Variants in WWOX observed in about 807,000 individuals in gnomAD.
WWOX encodes the protein WW domain-containing oxidoreductase.
A neutral mutation model predicts 46.2 loss-of-function variants in WWOX; 69 were observed. That is an observed-to-expected ratio of 1.49 (90% CI 1.23 to 1.82). WWOX has a LOEUF of 1.82. Ranked by LOEUF, WWOX falls within the 40% of genes most tolerant of loss-of-function variation. The pLI is 0.00. For synonymous variants in WWOX, 359 were observed against 202.6 expected, an observed-to-expected ratio of 1.77 and a Z score of -6.56; for missense variants, 919 against 542.6, an observed-to-expected ratio of 1.69 and a Z score of -6.89.
intron 8 of WWOX, among the ~76,000 whole-genome samples, chr16:78,713,693 G>T (rs1329059564): frequency 1.3e-5 from 2 of 152,100 alleles, no homozygotes; most frequent in Non-Finnish European, 2.9e-5. Context: ...CAAGGCAAGG[G>T]GCCTCCGGAG....
intron 8 of WWOX, chr16:79,196,441 G>C (rs969659476): frequency 1.3e-5 from 2 of 150,524 alleles, no homozygotes; most frequent in Non-Finnish European, 3.0e-5. Context: ...TCTGTGTGCT[G>C]GAAGCTCCTG....
intron 5 of WWOX, among the ~76,000 whole-genome samples, chr16:78,306,778 C>G (rs1029070787): frequency 6.6e-6 from 1 of 151,872 alleles, no homozygotes; most frequent in African/African-American, 2.4e-5. Flanking sequence ...AAATCTCACT[C>G]CTTCCCACAA....
Position 78,747,199 on chromosome 16 carries a change from T to G in WWOX, c.1056+314447T>G, listed in dbSNP as rs866244643. Among the ~76,000 whole-genome samples the G allele has an allele frequency of 1.8e-3, 275 of 151,066 alleles. 1 individual carries two copies. Among genetic ancestry groups the G allele is most frequent in the African/African-American group, 6.1e-3 (252 of 41,212 alleles). ...GGGCACTTTCTTGCCCATTTTTTTTTTTTTTTTTTGAGATGGAGTCTCGCT... is the reference window on the plus strand; with the variant it reads ...GGGCACTTTCTTGCCCATTTTTTTTGTTTTTTTTTGAGATGGAGTCTCGCT... On this transcript the variant is annotated intron_variant, in intron 8 of 8. Coordinates refer to ENST00000566780, the MANE Select transcript of WWOX (RefSeq NM_016373.4).
intron 4 of WWOX, among the ~76,000 whole-genome samples, chr16:78,153,544 T>C (rs2034492051): frequency 6.6e-6 from 1 of 152,090 alleles, no homozygotes; most frequent in Non-Finnish European, 1.5e-5. Context: ...GGATGTGTGC[T>C]GGAAGATTCT....
At chr16:79,184,185 C>A (rs1312026063) in intron 8 of WWOX, among the ~76,000 whole-genome samples, 1 of 152,162 alleles carries the variant, frequency 6.6e-6, no homozygotes, top group South Asian at 2.1e-4. Context: ...GTTGAATTGA[C>A]TAATTCAAAT....
At chr16:78,986,548 A>T (rs1484964200) in intron 8 of WWOX, among the ~76,000 whole-genome samples, 1 of 152,230 alleles carries the variant, frequency 6.6e-6, no homozygotes. Context: ...GTGAGGATAA[A>T]TAAGAACAAG....
chr16:79,149,257 C>T (rs142800848), intron 8 of WWOX, among the ~76,000 whole-genome samples: 117 of 152,204 alleles, frequency 7.7e-4, no homozygotes, highest in African/African-American at 2.7e-3. Context: ...TGGGTGTGTA[C>T]TTTTTATCAA....
chr16:78,947,314 G>T (rs990294285), intron 8 of WWOX, among the ~76,000 whole-genome samples: 4 of 152,148 alleles, frequency 2.6e-5, no homozygotes, highest in African/African-American at 9.7e-5. Context: ...AGGCAGGAAC[G>T]CTGTCATTAG....
intron 8 of WWOX, among the ~76,000 whole-genome samples, chr16:79,079,040 C>G (rs927181651): frequency 6.6e-6 from 1 of 152,162 alleles, no homozygotes; most frequent in Admixed American, 6.5e-5. Flanking sequence ...TCAAGGTAGG[C>G]TAACTGCTAT....
intron 8 of WWOX, among the ~76,000 whole-genome samples, chr16:79,066,272 C>A (rs1270523658): frequency 6.6e-6 from 1 of 152,186 alleles, no homozygotes; most frequent in Non-Finnish European, 1.5e-5. Flanking sequence ...TATCCTCAGT[C>A]ATGAGGCCCT....
At chr16:78,360,117 G>A (rs1453949307) in intron 5 of WWOX, among the ~76,000 whole-genome samples, 2 of 152,020 alleles carry the variant, frequency 1.3e-5, no homozygotes, top group Non-Finnish European at 2.9e-5. Flanking sequence ...TAAAAACAAC[G>A]ACAAAAATCA....
At chr16:79,075,945 C>G (rs11150133) in intron 8 of WWOX, among the ~76,000 whole-genome samples, 19 of 151,994 alleles carry the variant, frequency 1.3e-4, no homozygotes, top group Admixed American at 4.6e-4. Context: ...TCTGCTCTAA[C>G]GTTGGATCAT....
intron 8 of WWOX, among the ~76,000 whole-genome samples, chr16:78,683,387 A>G (rs2047776499): frequency 6.6e-6 from 1 of 151,652 alleles, no homozygotes; most frequent in South Asian, 2.1e-4. Flanking sequence ...AAAACATTAA[A>G]AAAAAATTTA....
chr16:78,959,056 T>A (rs921289915), intron 8 of WWOX, among the ~76,000 whole-genome samples: 8 of 152,194 alleles, frequency 5.3e-5, no homozygotes, highest in African/African-American at 1.9e-4. Context: ...GTAATGTTTT[T>A]AAAAATGCTT....
rs1328096675 is a variant in WWOX at position 78,124,673 on chromosome 16, G to A, written c.409+9519G>A. 2.0e-5 allele frequency among the ~76,000 whole-genome samples: 3 copies of A among 152,190 alleles called. No homozygotes were observed. The East Asian group carries it at 5.8e-4, about 29-fold the overall frequency. ...GGTCTCAGTCTACACAAGCCTAACT[G>A]AATGGGGTGCATAGGAAGGGTTGCA... On this transcript the variant is annotated intron_variant, in intron 4 of 8. Transcript: ENST00000566780.
chr16:78,431,472 A>T lies in WWOX; in HGVS notation c.792-1016A>T, dbSNP rs115375992. 4.4e-3 allele frequency among the ~76,000 whole-genome samples: 667 copies of T among 152,300 alleles called. 9 individuals are homozygous for T. The highest frequency in any genetic ancestry group is 0.015 in the African/African-American group (617 of 41,574). ...ACTCAAGCATTAGCTAAAATAATCC[A>T]GGAAAGCCCTGTCAAAGGTTAGGAA... On this transcript the variant is annotated intron_variant, in intron 7 of 8. Coordinates refer to ENST00000566780, the MANE Select transcript of WWOX (RefSeq NM_016373.4).
intron 5 of WWOX, among the ~76,000 whole-genome samples, chr16:78,384,628 G>A (rs974654407): frequency 3.3e-5 from 5 of 152,022 alleles, no homozygotes; most frequent in Non-Finnish European, 5.9e-5. Context: ...TTTCCTGAAC[G>A]TAGGAAACTA....
intron 8 of WWOX, among the ~76,000 whole-genome samples, chr16:78,693,674 T>A (rs898464972): frequency 6.6e-6 from 1 of 152,140 alleles, no homozygotes; most frequent in Non-Finnish European, 1.5e-5. Context: ...ACTATTGGCA[T>A]CGAGTGGATG....
rs377711800 is a variant in WWOX, at chr16:78,357,567, T to G, written c.517-29293T>G. Among the ~76,000 whole-genome samples the G allele has an allele frequency of 2.6e-4, 40 of 152,318 alleles. No homozygotes were observed. The East Asian group carries it at 4.2e-3, about 16-fold the overall frequency. On this transcript the variant is annotated intron_variant, in intron 5 of 8. Coordinates refer to ENST00000566780, the MANE Select transcript of WWOX (RefSeq NM_016373.4). ...GAATTGGGCATAATCAGAGAAAACG[T>G]GGTCTGGGACACATTTGTGGGCTAT...
Sources: allele counts gnomAD v4.1 joint callset (sites outside exome capture counted in the v4.1 genomes callset), GRCh38; gene constraint gnomAD v4.1.1; transcripts MANE v1.5; gene names NCBI Gene and HGNC (gene_info 2026-07-23, HGNC 2026-07-21).